The following RSPH14 variants were observed in gnomAD, a reference collection of about 807,000 sequenced individuals.
RSPH14 encodes the protein radial spoke head 14 homolog.
RSPH14 carries 20 observed loss-of-function variants against 26.7 expected under a neutral mutation model. The observed-to-expected ratio is 0.75, with a 90% CI of 0.53 to 1.09. RSPH14 has a LOEUF of 1.09. Ranked by LOEUF, RSPH14 falls within the 50% of genes least tolerant of loss-of-function variation. The pLI, the probability that RSPH14 is intolerant of heterozygous loss-of-function variation, is 0.00. For synonymous variants in RSPH14, 177 were observed against 189.3 expected (o/e 0.93, Z 0.53); for missense variants, 449 against 457.2 (o/e 0.98, Z 0.16).
At chr22:23,086,023 G>A (rs1412465423) in intron 4 of RSPH14, among the ~76,000 whole-genome samples, 9 of 152,370 alleles carry the variant, frequency 5.9e-5, no homozygotes, top group African/African-American at 2.4e-5. Flanking sequence ...TCCCGCCCCT[G>A]GCTAGTGGCA....
intron 4 of RSPH14, among the ~76,000 whole-genome samples, chr22:23,078,241 C>T (rs948450351): frequency 2.6e-5 from 4 of 152,352 alleles, no homozygotes; most frequent in Middle Eastern, 3.4e-3. Flanking sequence ...TAGAGTGTTG[C>T]CTCCATTATC....
chr22:23,150,128 C>A, the RSPH14 span: 8 of 1,612,318 alleles, frequency 5.0e-6, no homozygotes, highest in Non-Finnish European at 6.8e-6. Context: ...GCGCTGCCTG[C>A]CAACGCAGGA....
intron 4 of RSPH14, among the ~76,000 whole-genome samples, chr22:23,084,939 C>T (rs780879029): frequency 1.3e-5 from 2 of 152,218 alleles, no homozygotes; most frequent in Non-Finnish European, 2.9e-5. Context: ...TGCCATTGCA[C>T]ACTGGAGGTT....
At chr22:23,136,140 C>A in intron 3 of RSPH14, 2 of 648,374 alleles carry the variant, frequency 3.1e-6, no homozygotes, top group Non-Finnish European at 5.7e-6. Context: ...CTCCATGTCT[C>A]TCATGCTTTG....
At chr22:23,075,214 C>T (rs2068479512) in intron 4 of RSPH14, among the ~76,000 whole-genome samples, 3 of 152,168 alleles carry the variant, frequency 2.0e-5, no homozygotes. Context: ...CTCCTCCCTT[C>T]CCTGAGTGGG....
intron 4 of RSPH14, among the ~76,000 whole-genome samples, chr22:23,067,057 G>A (rs1252063293): frequency 6.6e-6 from 1 of 152,106 alleles, no homozygotes; most frequent in African/African-American, 2.4e-5. Context: ...AGAACAGCAG[G>A]GCTCAAATGT....
rs751515243 is a variant in RSPH14, at chr22:23,059,720, T to C, written c.791-2A>G. ...GTGCCTCCAGGGCCGCATACTTCCC[T>C]GCAGGCCACCAACACAAGGCGTTCC... On this transcript the variant is annotated splice_acceptor_variant, in intron 6 of 6. Transcript: ENST00000216036. LOFTEE classifies it high-confidence loss of function. The C allele has an allele frequency of 1.3e-6, 2 of 1,516,900 alleles. No homozygotes were observed. Among genetic ancestry groups the C allele is most frequent in the Admixed American group, 2.2e-5 (1 of 46,334 alleles). 94.0% of individuals were successfully genotyped at this position (1,516,900 alleles called of 1,614,324 possible).
chr22:23,140,551 G>A, intron 1 of RSPH14, 79 bp from the exon 2 acceptor site: 1 of 1,426,094 alleles, frequency 7.0e-7, no homozygotes, highest in Non-Finnish European at 9.3e-7. Context: ...AAACTGTGAG[G>A]GCAGGCAAAT....
At chr22:23,061,402 A>G (rs2068089390) in intron 6 of RSPH14, among the ~76,000 whole-genome samples, 1 of 152,102 alleles carries the variant, frequency 6.6e-6, no homozygotes, top group South Asian at 2.1e-4. Flanking sequence ...CCAGTTTAAG[A>G]AAAATAATTA....
At chr22:23,139,906 TA>T (rs1248003386) in intron 2 of RSPH14, among the ~76,000 whole-genome samples, 2 of 152,088 alleles carry the variant, frequency 1.3e-5, no homozygotes, top group Non-Finnish European at 2.9e-5. Context: ...AAAAAAATAA[TA>T]ATAAGAAATT....
the RSPH14 span, among the ~76,000 whole-genome samples, chr22:23,173,195 C>T: frequency 6.8e-6 from 1 of 147,962 alleles, no homozygotes; most frequent in Non-Finnish European, 1.5e-5. Context: ...AGTGCAGTGG[C>T]GCGATCTCCG....
chr22:23,086,808 G>A (rs113860970), intron 4 of RSPH14, among the ~76,000 whole-genome samples: 7 of 152,228 alleles, frequency 4.6e-5, no homozygotes, highest in African/African-American at 1.2e-4. Context: ...CAGCATGACA[G>A]GATTGAAGGC....
At chr22:23,083,870 G>T (rs1017852329) in intron 4 of RSPH14, among the ~76,000 whole-genome samples, 1 of 152,246 alleles carries the variant, frequency 6.6e-6, no homozygotes, top group African/African-American at 2.4e-5. Context: ...GGGTTCCAGG[G>T]ATCCTGATGC....
intron 6 of RSPH14, among the ~76,000 whole-genome samples, chr22:23,060,613 A>G (rs377569219): frequency 3.3e-5 from 5 of 152,018 alleles, no homozygotes; most frequent in Admixed American, 6.5e-5. Context: ...TGCCGGCCCT[A>G]TGCTCCTGCA....
At chr22:23,062,139 G>A (rs1011141439) in intron 5 of RSPH14, among the ~76,000 whole-genome samples, 194 bp from the exon 6 acceptor site, 2 of 152,222 alleles carry the variant, frequency 1.3e-5, no homozygotes, top group Non-Finnish European at 2.9e-5. Flanking sequence ...GTGTGAACGC[G>A]GCCCACTGCC....
chr22:23,079,577 GAGA>G (rs1257232293), intron 4 of RSPH14, among the ~76,000 whole-genome samples: 1 of 152,188 alleles, frequency 6.6e-6, no homozygotes, highest in Non-Finnish European at 1.5e-5. Context: ...GAGCAAACAT[GAGA>G]AGGTTTCAAG....
the RSPH14 span, chr22:23,179,895 G>A: frequency 4.1e-6 from 1 of 243,536 alleles, no homozygotes; most frequent in Non-Finnish European, 7.8e-6. Context: ...GAGAGGCCAG[G>A]CTGTGAGGTG....
intron 4 of RSPH14, among the ~76,000 whole-genome samples, chr22:23,101,303 T>C (rs1255797460): frequency 6.6e-6 from 1 of 151,704 alleles, no homozygotes; most frequent in Non-Finnish European, 1.5e-5. Context: ...GGAATTCCAG[T>C]GGCCCCCCTC....
chr22:23,176,794 A>C, the RSPH14 span, among the ~76,000 whole-genome samples: 6 of 152,054 alleles, frequency 3.9e-5, no homozygotes, highest in Non-Finnish European at 8.8e-5. Flanking sequence ...TCCCACGCCC[A>C]ACCTTCCATG....
Sources: allele counts gnomAD v4.1 joint callset (sites outside exome capture counted in the v4.1 genomes callset), GRCh38; gene constraint gnomAD v4.1.1; transcripts MANE v1.5; gene names NCBI Gene and HGNC (gene_info 2026-07-23, HGNC 2026-07-21).